The following MEF2D variants were observed in gnomAD, a reference collection of about 807,000 sequenced individuals.
MEF2D encodes the protein myocyte-specific enhancer factor 2D.
MEF2D carries 10 observed loss-of-function variants against 59.3 expected under a neutral mutation model. The ratio of observed to expected loss-of-function variants is 0.17; its 90% CI spans 0.10 to 0.29. The LOEUF is 0.29. Among genes scored for constraint, MEF2D ranks in the 10% least tolerant of loss-of-function variants. The pLI, the probability that MEF2D is intolerant of heterozygous loss-of-function variation, is 1.00. For synonymous variants in MEF2D, 305 were observed against 295.0 expected (o/e 1.03, Z -0.35); for missense variants, 508 against 699.4 (o/e 0.73, Z 3.09).
intron 3 of MEF2D, among the ~76,000 whole-genome samples, chr1:156,481,434 T>G (rs966425460): frequency 6.6e-6 from 1 of 151,456 alleles, no homozygotes; most frequent in Admixed American, 6.6e-5. Flanking sequence ...CTTAGGAGAA[T>G]AGGAGGAAGA....
At position 156,466,507 on chromosome 1, in the gene MEF2D, G is replaced by A. The variant is rs1187024055; in HGVS notation, c.*1138C>T. 6.5e-6 allele frequency: 1 copy of A among 152,900 alleles called. No individual in the cohort carries two copies. The highest frequency in any genetic ancestry group is 1.5e-5 in the Non-Finnish European group (1 of 68,182). The allele number at this position is 152,900 out of a possible 1,614,324, so 9.5% of individuals were successfully genotyped here. A position where few individuals can be genotyped will look rare whatever the true frequency, so the allele number is the denominator to read the frequency against. ...GGAGAAGCTAGGGAGAGGGGCCAAG[G>A]AGGAATGAGGGAGGTGGGACCTCTA... On this transcript the variant is annotated 3_prime_UTR_variant, in exon 12 of 12. Transcript: ENST00000348159.
rs1289387599 is a variant in MEF2D at position 156,473,508 on chromosome 1, T to C, written c.1006+1600A>G. Among the ~76,000 whole-genome samples, 3 of 152,340 alleles carry C rather than the reference T, an allele frequency of 2.0e-5. No individual in the cohort carries two copies. In the East Asian group the frequency reaches 5.8e-4, roughly 29 times the overall value. ...AGAACCTGAGGAAGGCAGAGGTCTCTAGCTGGAAATAGCCCAGGTTCCCCA... is the reference window on the plus strand; with the variant it reads ...AGAACCTGAGGAAGGCAGAGGTCTCCAGCTGGAAATAGCCCAGGTTCCCCA... On this transcript the variant is annotated intron_variant, in intron 9 of 11. Transcript: ENST00000348159.
At position 156,463,912 on chromosome 1, in the gene MEF2D, C is replaced by T. The variant is rs1670672449; in HGVS notation, c.*3733G>A. 6.5e-6 allele frequency: 1 copy of T among 152,704 alleles called. No homozygotes were observed. Among genetic ancestry groups the T allele is most frequent in the African/African-American group, 2.4e-5 (1 of 41,458 alleles). The allele number at this position is 152,704 out of a possible 1,614,324, so 9.5% of individuals were successfully genotyped here. The stretch of plus-strand genomic sequence containing the variant: ...TTGAAAACAAATCAACAGCCTCACA[C>T]TTGGACTCGCCCTGCCCCAGGACCC... On this transcript the variant is annotated 3_prime_UTR_variant, in exon 12 of 12. Coordinates refer to ENST00000348159, the MANE Select transcript of MEF2D (RefSeq NM_005920.4).
Position 156,482,360 on chromosome 1 carries a change from G to A in MEF2D, c.258+77C>T, listed in dbSNP as rs1030125954. 56 of 1,494,060 alleles carry A rather than the reference G, an allele frequency of 3.7e-5. No individual in the cohort carries two copies. In the African/African-American group the frequency reaches 4.1e-4, roughly 11 times the overall value. 92.6% of individuals were successfully genotyped at this position (1,494,060 alleles called of 1,614,324 possible). A position where few individuals can be genotyped will look rare whatever the true frequency, so the allele number is the denominator to read the frequency against. ...AGTGTGTGTGCATAGGCAGGTCTGC[G>A]TGTACATGCAACGTGGGCACGTGTC... On this transcript the variant is annotated intron_variant, in intron 3 of 11. Coordinates refer to ENST00000348159, the MANE Select transcript of MEF2D (RefSeq NM_005920.4).
intron 8 of MEF2D, among the ~76,000 whole-genome samples, chr1:156,475,508 C>A (rs1440842739): frequency 6.6e-6 from 1 of 152,242 alleles, no homozygotes; most frequent in East Asian, 1.9e-4. Flanking sequence ...CCAGCACCAA[C>A]ACTCGCCCAG....
At position 156,465,027 on chromosome 1, in the gene MEF2D, C is replaced by T. The variant is rs1220478681; in HGVS notation, c.*2618G>A. 1 of 152,328 alleles carries T rather than the reference C, an allele frequency of 6.6e-6. No homozygotes were observed. Among genetic ancestry groups the T allele is most frequent in the Non-Finnish European group, 1.5e-5 (1 of 68,114 alleles). The allele number at this position is 152,328 out of a possible 1,614,324, so 9.4% of individuals were successfully genotyped here. A position where few individuals can be genotyped will look rare whatever the true frequency, so the allele number is the denominator to read the frequency against. ...ACTATGTGCCAGGCACTGGGCGAGGCTCTGGGGACGCATGCATGAACAAGA... is the reference window on the plus strand; with the variant it reads ...ACTATGTGCCAGGCACTGGGCGAGGTTCTGGGGACGCATGCATGAACAAGA... On this transcript the variant is annotated 3_prime_UTR_variant, in exon 12 of 12. Transcript: ENST00000348159.
In MEF2D at chr1:156,479,336, C is replaced by G; in HGVS notation, c.618G>C (p.Leu206=). Residue 206 remains leucine (L), a synonymous_variant, in exon 6 of 12, where the codon CTG becomes CTC. Transcript: ENST00000348159. ...PQRPASAGAM[L]GGDLNSANGA... ...CGTTAGCACTGTTCAGGTCACCCCC[C>G]AGCATGGCCCCTGGAGGAAAAACAG... 1 of 1,612,954 alleles carries G rather than the reference C, an allele frequency of 6.2e-7. No individual in the cohort carries two copies. Among genetic ancestry groups the G allele is most frequent in the Non-Finnish European group, 8.5e-7 (1 of 1,179,590 alleles).
intron 4 of MEF2D, among the ~76,000 whole-genome samples, 175 bp from the exon 5 acceptor site, chr1:156,479,971 A>C (rs1671885837): frequency 6.6e-6 from 1 of 152,098 alleles, no homozygotes; most frequent in Admixed American, 6.5e-5. Flanking sequence ...AGTCCCACCA[A>C]GGAAGAACTT....
At chr1:156,477,262 T>C in intron 6 of MEF2D, 60 bp from the exon 7 acceptor site, 1 of 1,440,150 alleles carries the variant, frequency 6.9e-7, no homozygotes. Context: ...TCAGCCCTAT[T>C]AACTTCCCCA....
chr1:156,477,232 G>A (rs1557882605), intron 6 of MEF2D, 30 bp from the exon 7 acceptor site: 1 of 1,551,354 alleles, frequency 6.4e-7, no homozygotes, highest in Admixed American at 1.9e-5. Flanking sequence ...AGGGTAAAAG[G>A]AAAAACATGG....
In MEF2D at chr1:156,468,123, C is replaced by T; in HGVS notation, c.1424G>A (p.Gly475Glu). Reference sequence around the variant, plus strand: ...CCGGTCTCCCGTCTCATAGGATCCCCCGGCTGGGCTGCTGAGACCATCGCC... The same window carrying T: ...CCGGTCTCCCGTCTCATAGGATCCCTCGGCTGGGCTGCTGAGACCATCGCC... ...EPGDGLSSPA[G>E]GSYETGDRDD... The change falls in exon 11 of 12, where the codon GGG (glycine) becomes GAG (glutamate). Residue 475 changes from glycine (G) to glutamate (E), a missense_variant. By Grantham distance (98) the Gly-to-Glu change is moderately conservative. This residue lies in a region of MEF2D where 481 missense variants were observed against 584.7 expected (regional missense o/e 0.82). Coordinates refer to ENST00000348159, the MANE Select transcript of MEF2D (RefSeq NM_005920.4). The surrounding 1 kb of genome is among the most constrained non-coding windows in gnomAD (Gnocchi z 4.3). 6.2e-7 allele frequency: 1 copy of T among 1,614,008 alleles called. No individual in the cohort carries two copies. The highest frequency in any genetic ancestry group is 2.2e-5 in the East Asian group (1 of 44,858).
intron 1 of MEF2D, among the ~76,000 whole-genome samples, chr1:156,500,196 G>A (rs1673403828): frequency 6.6e-6 from 1 of 152,146 alleles, no homozygotes; most frequent in African/African-American, 2.4e-5. Context: ...ACGAACAGGC[G>A]GGCGCGCCCC....
chr1:156,472,159 C>T (rs140336076), intron 9 of MEF2D, among the ~76,000 whole-genome samples: 1 of 152,352 alleles, frequency 6.6e-6, no homozygotes, highest in East Asian at 1.9e-4. Flanking sequence ...AAAAAGTGGT[C>T]TGAGCTGCCC....
In MEF2D at chr1:156,480,828, G is replaced by A; in HGVS notation, c.396+6C>T. ...GGCCAACAGAGACAGAGTGAGTGGG[G>A]CTCACCCCATAGCGCCGGAAGAGCC... On this transcript the variant is annotated splice_donor_region_variant and intron_variant, in intron 4 of 11. Transcript: ENST00000348159. 2 of 1,593,176 alleles carry A rather than the reference G, an allele frequency of 1.3e-6. No individual in the cohort carries two copies. Among genetic ancestry groups the A allele is most frequent in the South Asian group, 1.1e-5 (1 of 87,318 alleles).
chr1:156,495,061 A>G (rs1164625420), intron 1 of MEF2D, among the ~76,000 whole-genome samples: 5 of 152,140 alleles, frequency 3.3e-5, no homozygotes, highest in Admixed American at 3.3e-4. Context: ...GGACAGCAGG[A>G]GGGGTCTCGG....
At chr1:156,482,253 C>T (rs1294923997) in intron 3 of MEF2D, among the ~76,000 whole-genome samples, 184 bp downstream of exon 3, 1 of 152,240 alleles carries the variant, frequency 6.6e-6, no homozygotes, top group Non-Finnish European at 1.5e-5. Flanking sequence ...TTCCTTCCTC[C>T]TCAGACCCTG....
intron 7 of MEF2D, among the ~76,000 whole-genome samples, 168 bp from the exon 8 acceptor site, chr1:156,476,682 C>A (rs914387535): frequency 6.6e-6 from 1 of 152,196 alleles, no homozygotes; most frequent in South Asian, 2.1e-4. Context: ...TCCAGAGATG[C>A]TCCATCCCAA....
intron 1 of MEF2D, among the ~76,000 whole-genome samples, chr1:156,490,253 C>T (rs899342037): frequency 6.6e-6 from 1 of 152,118 alleles, no homozygotes; most frequent in Non-Finnish European, 1.5e-5. Flanking sequence ...TCTCATGCTC[C>T]GTTCCCTCTG....
chr1:156,472,212 C>T (rs557570891), intron 9 of MEF2D, among the ~76,000 whole-genome samples: 53 of 152,372 alleles, frequency 3.5e-4, no homozygotes, highest in Admixed American at 2.7e-3. Flanking sequence ...ACCCTCAGGG[C>T]TGGTTTTTCT....
Sources: gnomAD v4.1 joint callset for allele counts (sites outside exome capture counted in the v4.1 genomes callset) on GRCh38, gnomAD v4.1.1 for gene constraint, gnomAD v4.1.1 regional missense constraint, Gnocchi (gnomAD v3.1) non-coding constraint, MANE v1.5 for transcripts, NCBI Gene and HGNC (gene_info 2026-07-23, HGNC 2026-07-21) for gene names.